Variants in SLC1A4 observed in about 807,000 individuals in gnomAD.
SLC1A4 encodes the protein solute carrier family 1 member 4.
SLC1A4 carries 19 observed loss-of-function variants against 37.7 expected under a neutral mutation model. The ratio of observed to expected loss-of-function variants is 0.50; its 90% confidence interval spans 0.35 to 0.74. The LOEUF is 0.74. Ranked by LOEUF, SLC1A4 falls within the 30% of genes least tolerant of loss-of-function variation. The pLI is 0.01. For synonymous variants in SLC1A4, 299 were observed against 309.8 expected (o/e 0.97, Z 0.37); for missense variants, 570 against 712.9 (o/e 0.80, Z 2.28).
At chr2:64,997,959 C>T (rs572971966) in intron 1 of SLC1A4, among the ~76,000 whole-genome samples, 4 of 151,710 alleles carry the variant, frequency 2.6e-5, no homozygotes, top group African/African-American at 4.8e-5. Context: ...AATTGGCAGG[C>T]GCAGTGGCTC....
rs1674412281 is a variant in SLC1A4 at position 65,021,315 on chromosome 2, C to T, written c.*169C>T. 3.3e-6 allele frequency: 2 copies of T among 608,242 alleles called. No homozygotes were observed. The highest frequency in any genetic ancestry group is 3.7e-5 in the African/African-American group (2 of 53,982). The allele number at this position is 608,242 out of a possible 1,614,324, so 37.7% of individuals were successfully genotyped here. The stretch of plus-strand genomic sequence containing the variant: ...CTCTCGGCACTGGCATTGGGCTCCC[C>T]AGCCGGAACTGGTTACCAAGGACAA... On this transcript the variant is annotated 3_prime_UTR_variant, in exon 8 of 8. Coordinates refer to ENST00000234256, the MANE Select transcript of SLC1A4 (RefSeq NM_003038.5).
At chr2:65,005,753 G>C (rs544708441) in intron 3 of SLC1A4, among the ~76,000 whole-genome samples, 1 of 152,208 alleles carries the variant, frequency 6.6e-6, no homozygotes, top group Non-Finnish European at 1.5e-5. Flanking sequence ...AAGCACTTTG[G>C]GAGGCCAAGA....
upstream of SLC1A4, among the ~76,000 whole-genome samples, chr2:64,989,091 C>T (rs1287374075): frequency 6.6e-6 from 1 of 152,130 alleles, no homozygotes; most frequent in Non-Finnish European, 1.5e-5. Context: ...CCCGCACTTC[C>T]CCGCGGTCGC....
At chr2:65,015,470 A>G (rs2103673331) in intron 4 of SLC1A4, among the ~76,000 whole-genome samples, 1 of 152,374 alleles carries the variant, frequency 6.6e-6, no homozygotes, top group East Asian at 1.9e-4. Flanking sequence ...CATAGGAGGT[A>G]GGAGTGTCTA....
At chr2:64,993,514 A>C (rs1256281248) in intron 1 of SLC1A4, among the ~76,000 whole-genome samples, 1 of 152,228 alleles carries the variant, frequency 6.6e-6, no homozygotes. Flanking sequence ...AGTAGCTGGC[A>C]GGTGGAAGAA....
chr2:65,008,469 C>T (rs1673773577), intron 3 of SLC1A4, among the ~76,000 whole-genome samples: 1 of 152,148 alleles, frequency 6.6e-6, no homozygotes, highest in Non-Finnish European at 1.5e-5. Flanking sequence ...GAGATCCCAT[C>T]TCTACAAAAT....
chr2:64,993,446 G>A (rs962070277), intron 1 of SLC1A4, among the ~76,000 whole-genome samples: 1 of 152,194 alleles, frequency 6.6e-6, no homozygotes, highest in Non-Finnish European at 1.5e-5. Context: ...TAACAATGTA[G>A]AATAGAGAAT....
rs7608915 is a variant in SLC1A4 at position 64,989,513 on chromosome 2, C to G, written c.-131C>G. On this transcript the variant is annotated 5_prime_UTR_variant, in exon 1 of 8. Transcript: ENST00000234256. ...CTCGCACCTGCTCCTGCGCCAGGCC[C>G]GGAGACCCCCGGGGCGGCTTCCCAG... is the stretch of plus-strand genomic sequence containing the variant. 119,054 of 772,600 alleles carry G rather than the reference C, an allele frequency of 0.15. 9,588 individuals are homozygous for G. Among genetic ancestry groups the G allele is most frequent in the East Asian group, 0.23 (6,591 of 28,744 alleles). The allele number at this position is 772,600 out of a possible 1,614,324, so 47.9% of individuals were successfully genotyped here.
intron 3 of SLC1A4, among the ~76,000 whole-genome samples, chr2:65,008,726 G>A (rs929866089): frequency 7.2e-5 from 11 of 152,194 alleles, no homozygotes; most frequent in African/African-American, 2.4e-4. Context: ...CAGACAGAGT[G>A]AGCCTAGAAT....
At chr2:65,016,410 A>C in intron 4 of SLC1A4, 30 bp from the exon 5 acceptor site, 1 of 1,561,534 alleles carries the variant, frequency 6.4e-7, no homozygotes, top group Admixed American at 1.7e-5. Context: ...TTTATCCCCC[A>C]CTGATGAGTA....
At chr2:64,998,682 G>A in intron 1 of SLC1A4, among the ~76,000 whole-genome samples, 1 of 152,190 alleles carries the variant, frequency 6.6e-6, no homozygotes, top group Non-Finnish European at 1.5e-5. Flanking sequence ...CCTGTTCTGG[G>A]TGAGATGTTA....
At chr2:65,002,427 C>T (rs1673502111) in intron 2 of SLC1A4, among the ~76,000 whole-genome samples, 1 of 151,552 alleles carries the variant, frequency 6.6e-6, no homozygotes, top group African/African-American at 2.4e-5. Flanking sequence ...TACCCTTCTG[C>T]ATAACGCCAC....
intron 1 of SLC1A4, among the ~76,000 whole-genome samples, chr2:64,991,925 T>A (rs1315358962): frequency 6.6e-6 from 1 of 152,174 alleles, no homozygotes; most frequent in Non-Finnish European, 1.5e-5. Flanking sequence ...TAAATTTTTT[T>A]AGAGATGGGG....
At chr2:65,001,605 G>C (rs1162162706) in intron 2 of SLC1A4, 115 bp downstream of exon 2, 6 of 858,282 alleles carry the variant, frequency 7.0e-6, no homozygotes, top group Non-Finnish European at 1.1e-5. Flanking sequence ...AACAAAACTT[G>C]GTAAGATTGG....
upstream of SLC1A4, chr2:64,989,260 TCCC>T: frequency 8.9e-6 from 1 of 112,724 alleles, no homozygotes; most frequent in Middle Eastern, 3.9e-3. Context: ...CGGCGGCGGC[TCCC>T]GGCGGCGGCT....
chr2:65,006,762 C>T (rs537861843), intron 3 of SLC1A4, among the ~76,000 whole-genome samples: 65 of 152,170 alleles, frequency 4.3e-4, no homozygotes, highest in Non-Finnish European at 7.4e-4. Context: ...AACATAGATA[C>T]GTATCTAAAA....
intron 1 of SLC1A4, chr2:64,994,782 C>A (rs1181566690): frequency 1.3e-5 from 2 of 151,572 alleles, no homozygotes; most frequent in Non-Finnish European, 2.9e-5. Flanking sequence ...AAAACTGGAA[C>A]AATAGAGGAG....
In SLC1A4 at chr2:64,998,419, C is replaced by CAA. The variant is rs781241996; in HGVS notation, c.528-3013_528-3012dup. ...GGGCAACAAAGTGAGACTCTGTCTC[C>CAA]AAAAAAAAAAAAAAAAATCTAGGAA... On this transcript the variant is annotated intron_variant, in intron 1 of 7. Coordinates refer to ENST00000234256, the MANE Select transcript of SLC1A4 (RefSeq NM_003038.5). Among the ~76,000 whole-genome samples the CAA allele has an allele frequency of 3.9e-3, 339 of 85,978 alleles. 1 individual carries two copies. Among genetic ancestry groups the CAA allele is most frequent in the African/African-American group, 0.014 (299 of 22,012 alleles). 56.4% of individuals were successfully genotyped at this position (85,978 alleles called of 152,430 possible).
intron 4 of SLC1A4, among the ~76,000 whole-genome samples, chr2:65,013,931 T>C (rs1674022924): frequency 6.6e-6 from 1 of 152,196 alleles, no homozygotes; most frequent in South Asian, 2.1e-4. Flanking sequence ...CTATTCACAA[T>C]TTGTAAATGA....
Sources: allele counts gnomAD v4.1 joint callset (sites outside exome capture counted in the v4.1 genomes callset), GRCh38; gene constraint gnomAD v4.1.1; transcripts MANE v1.5; gene names NCBI Gene and HGNC (gene_info 2026-07-23, HGNC 2026-07-21).